Variants in GPR179 observed in about 807,000 individuals in gnomAD.
GPR179 encodes G protein-coupled receptor 179.
In GPR179, 52 loss-of-function variants were observed where a neutral mutation model predicts 70.8. The observed-to-expected ratio is 0.73, with a 90% confidence interval of 0.59 to 0.93. GPR179 has a LOEUF of 0.93. Among genes scored for constraint, GPR179 ranks in the 40% least tolerant of loss-of-function variants. GPR179 has a pLI of 0.00. For synonymous variants in GPR179, 1,123 were observed against 1,169.0 expected (o/e 0.96, Z 0.80); for missense variants, 2,734 against 2,966.8 (o/e 0.92, Z 1.82).
chr17:38,335,280 G>A lies in GPR179; in HGVS notation c.1407-9C>T. The A allele has an allele frequency of 1.9e-6, 3 of 1,543,588 alleles. No individual in the cohort carries two copies. Among genetic ancestry groups the A allele is most frequent in the Non-Finnish European group, 8.8e-7 (1 of 1,141,304 alleles). Reference sequence around the variant, plus strand: ...GAAACAGCTGCAGCACTCTGCGAGGGTTAGAATACACAGGGTGGATGGCAG... The same window carrying A: ...GAAACAGCTGCAGCACTCTGCGAGGATTAGAATACACAGGGTGGATGGCAG... On this transcript the variant is annotated splice_polypyrimidine_tract_variant and intron_variant, in intron 6 of 10. Coordinates refer to ENST00000616987, the MANE Select transcript of GPR179 (RefSeq NM_001004334.4).
chr17:38,331,605 C>G (rs2037361232), intron 10 of GPR179, 74 bp from the exon 11 acceptor site: 1 of 1,522,028 alleles, frequency 6.6e-7, no homozygotes, highest in African/African-American at 1.4e-5. Flanking sequence ...TTCCTCCACC[C>G]TTGCCTAGAC....
At chr17:38,341,943 C>A (rs1007214765) in intron 1 of GPR179, among the ~76,000 whole-genome samples, 9 of 152,062 alleles carry the variant, frequency 5.9e-5, no homozygotes, top group Non-Finnish European at 1.0e-4. Context: ...CATAGTGAAA[C>A]CCCATCTCTA....
At position 38,328,562 on chromosome 17, in the gene GPR179, C is replaced by T. The variant is rs751362259; in HGVS notation, c.5007G>A (p.Glu1669=). Residue 1669 remains glutamate, a synonymous_variant, in exon 11 of 11, where the codon GAG becomes GAA. Coordinates refer to ENST00000616987, the MANE Select transcript of GPR179 (RefSeq NM_001004334.4). ...FSPQPRPQDT[E]RPQTLLQMSG... is the part of the protein sequence containing the mutation. The stretch of plus-strand genomic sequence containing the variant: ...ACATCTGGAGAAGGGTTTGGGGTCT[C>T]TCTGTGTCTTGAGGACGTGGTTGTG... 4 of 1,614,078 alleles carry T rather than the reference C, an allele frequency of 2.5e-6. No homozygotes were observed. Among genetic ancestry groups the T allele is most frequent in the Non-Finnish European group, 3.4e-6 (4 of 1,180,016 alleles).
At position 38,327,382 on chromosome 17, in the gene GPR179, G is replaced by T; in HGVS notation, c.6187C>A (p.Pro2063Thr). ...TGCTGCCTGAAGTCTGCCATCTCTG[G>T]CTTTTTCTGAACTGGCACACCTTTT... ...EPKGVPVQKK[P>T]EMADFRQQEA... Residue 2063 changes from proline to threonine, a missense_variant, in exon 11 of 11, where the codon CCA becomes ACA. Coordinates refer to ENST00000616987, the MANE Select transcript of GPR179 (RefSeq NM_001004334.4). The T allele has an allele frequency of 1.2e-6, 2 of 1,614,172 alleles. No homozygotes were observed. Among genetic ancestry groups the T allele is most frequent in the Non-Finnish European group, 1.7e-6 (2 of 1,180,042 alleles).
chr17:38,331,162 T>C lies in GPR179; in HGVS notation c.2407A>G (p.Ser803Gly), dbSNP rs1451056573. The C allele has an allele frequency of 6.2e-7, 1 of 1,608,284 alleles. No individual in the cohort carries two copies. The highest frequency in any genetic ancestry group is 1.1e-5 in the South Asian group (1 of 90,718). Residue 803 changes from serine (S) to glycine (G), a missense_variant, in exon 11 of 11, where the codon AGC (serine) becomes GGC (glycine). Coordinates refer to ENST00000616987, the MANE Select transcript of GPR179 (RefSeq NM_001004334.4). ...GGGGGCCCCTCCACCGACTCCCGGCTCTCTGTTCGAGAGGCCTTCTTGGCC... is the reference window on the plus strand; with the variant it reads ...GGGGGCCCCTCCACCGACTCCCGGCCCTCTGTTCGAGAGGCCTTCTTGGCC... ...KLAKKASRTE[S>G]RESVEGPPAL...
intron 4 of GPR179, among the ~76,000 whole-genome samples, chr17:38,336,687 C>T (rs2037406639): frequency 6.6e-6 from 1 of 152,288 alleles, no homozygotes; most frequent in South Asian, 2.1e-4. Flanking sequence ...CTGCTTCCTC[C>T]ATTAAACTGG....
rs2144254016 is a variant in GPR179 at position 38,326,879 on chromosome 17, T to C, written c.6690A>G (p.Glu2230=). 1 of 1,614,222 alleles carries C rather than the reference T, an allele frequency of 6.2e-7. No individual in the cohort carries two copies. The highest frequency in any genetic ancestry group is 2.2e-5 in the East Asian group (1 of 44,892). ...CCATGGTACCCTTTATTTTATTTCC[T>C]TCTGGATCTGTGATTTCCCATTGGC... ...ELCQWEITDP[E]GNKIKGTMAD... is the part of the protein sequence containing the mutation. The change falls in exon 11 of 11, where the codon GAA becomes GAG. Residue 2230 remains glutamate, a synonymous_variant. Coordinates refer to ENST00000616987, the MANE Select transcript of GPR179 (RefSeq NM_001004334.4).
chr17:38,329,540 G>C lies in GPR179; in HGVS notation c.4029C>G (p.Ile1343Met). The change falls in exon 11 of 11, where the codon ATC becomes ATG. Residue 1343 changes from isoleucine (I) to methionine (M), a missense_variant. Physicochemically the swap from Ile to Met is conservative, Grantham distance 10. Coordinates refer to ENST00000616987, the MANE Select transcript of GPR179 (RefSeq NM_001004334.4). The part of the protein sequence containing the change: ...PGSAPQDPGR[I>M]RDKSEAGDSV... ...TGTCCCCCGCCTCAGATTTGTCTCT[G>C]ATTCTGCCAGGGTCCTGAGGAGCTG... 1 of 1,613,976 alleles carries C rather than the reference G, an allele frequency of 6.2e-7. No homozygotes were observed. Among genetic ancestry groups the C allele is most frequent in the Non-Finnish European group, 8.5e-7 (1 of 1,180,002 alleles).
At position 38,330,762 on chromosome 17, in the gene GPR179, T is replaced by C; in HGVS notation, c.2807A>G (p.Gln936Arg). 1 of 1,589,346 alleles carries C rather than the reference T, an allele frequency of 6.3e-7. No individual in the cohort carries two copies. Among genetic ancestry groups the C allele is most frequent in the South Asian group, 1.1e-5 (1 of 87,828 alleles). ...RRLPHPPIRH[Q>R]VSTPILALSG... is the part of the protein sequence containing the mutation. The stretch of plus-strand genomic sequence containing the variant: ...CAGGGCCAAGATGGGGGTAGAAACC[T>C]GGTGCCTGATGGGTGGATGAGGCAG... Residue 936 changes from glutamine (Q) to arginine (R), a missense_variant, in exon 11 of 11, where the codon CAG becomes CGG. Physicochemically the swap from Gln to Arg is conservative, Grantham distance 43. Transcript: ENST00000616987.
Position 38,343,763 on chromosome 17 carries a change from G to C in GPR179, c.27C>G (p.Pro9=), listed in dbSNP as rs756259083. Residue 9 remains proline, a synonymous_variant, in exon 1 of 11, where the codon CCC becomes CCG. Transcript: ENST00000616987. The surrounding 1 kb of genome is among the most constrained non-coding windows in gnomAD (Gnocchi z 4.2). ...AGCCCAGCAGCCCCCACATAGGAGG[G>C]GGCATGACCGCTCCCCTGGTGCCCA... MGTRGAVM[P]PPMWGLLGCC... 1 of 1,526,086 alleles carries C rather than the reference G, an allele frequency of 6.6e-7. No homozygotes were observed. The highest frequency in any genetic ancestry group is 8.8e-7 in the Non-Finnish European group (1 of 1,137,750). 94.5% of individuals were successfully genotyped at this position (1,526,086 alleles called of 1,614,324 possible). A position where few individuals can be genotyped will look rare whatever the true frequency, so the allele number is the denominator to read the frequency against.
chr17:38,334,443 G>C lies in GPR179; in HGVS notation c.1784+261C>G, dbSNP rs1337109247. 6.6e-6 allele frequency among the ~76,000 whole-genome samples: 1 copy of C among 152,140 alleles called. No individual in the cohort carries two copies. Among genetic ancestry groups the C allele is most frequent in the African/African-American group, 2.4e-5 (1 of 41,430 alleles). On this transcript the variant is annotated intron_variant, in intron 8 of 10. Coordinates refer to ENST00000616987, the MANE Select transcript of GPR179 (RefSeq NM_001004334.4). The surrounding 1 kb of genome is among the most constrained non-coding windows in gnomAD (Gnocchi z 4.7). Reference sequence around the variant, plus strand: ...AAGGGGTATGTTGGGGTGCTGGAGAGGTGCTTTGGGAGGGGTGAGGAGTTA... The same window carrying C: ...AAGGGGTATGTTGGGGTGCTGGAGACGTGCTTTGGGAGGGGTGAGGAGTTA...
At position 38,330,936 on chromosome 17, in the gene GPR179, GC is replaced by G; in HGVS notation, c.2632del (p.Ala878ProfsTer91). On this transcript the variant is annotated frameshift_variant, in exon 11 of 11. Coordinates refer to ENST00000616987, the MANE Select transcript of GPR179 (RefSeq NM_001004334.4). LOFTEE classifies it low-confidence loss of function (END_TRUNC). ...EREERKKAKA[A>X]MASLVRRPSA... Reference sequence around the variant, plus strand: ...TGGCCTCCGCACCAGGCTGGCCATGGCTGCCTTGGCCTTCTTCCGCTCCTCC... The same window carrying G: ...TGGCCTCCGCACCAGGCTGGCCATGGTGCCTTGGCCTTCTTCCGCTCCTCC... 6.2e-7 allele frequency: 1 copy of G among 1,609,718 alleles called. No individual in the cohort carries two copies. The highest frequency in any genetic ancestry group is 1.3e-5 in the African/African-American group (1 of 75,032).
In GPR179 at chr17:38,330,515, G is replaced by A; in HGVS notation, c.3054C>T (p.Gly1018=). 6.4e-7 allele frequency: 1 copy of A among 1,555,116 alleles called. No homozygotes were observed. The highest frequency in any genetic ancestry group is 1.7e-4 in the Middle Eastern group (1 of 5,758). The part of the protein sequence containing the change: ...PQEGPSGPER[G]HHSPAPARAR... ...CTCGAGCTGGGGCAGGGGAGTGGTG[G>A]CCTCGCTCTGGCCCTGAGGGGCCTT... Residue 1018 remains glycine, a synonymous_variant, in exon 11 of 11, where the codon GGC becomes GGT. Coordinates refer to ENST00000616987, the MANE Select transcript of GPR179 (RefSeq NM_001004334.4).
rs370367743 is a variant in GPR179 at position 38,330,450 on chromosome 17, C to T, written c.3119G>A (p.Ser1040Asn). 6.4e-6 allele frequency: 10 copies of T among 1,572,810 alleles called. No homozygotes were observed. The African/African-American group carries it at 1.4e-4, about 21-fold the overall frequency. The change falls in exon 11 of 11, where the codon AGC becomes AAC. Residue 1040 changes from serine (S) to asparagine (N), a missense_variant. Physicochemically the swap from Ser to Asn is conservative, Grantham distance 46 (BLOSUM62 1). Transcript: ENST00000616987. ...GTCCATCTCATTCTCCCCAGCCCTGCTTTTCTCTACTGCAACAGAGAGGGC... is the reference window on the plus strand; with the variant it reads ...GTCCATCTCATTCTCCCCAGCCCTGTTTTTCTCTACTGCAACAGAGAGGGC... ...WRALSVAVEK[S>N]RAGENEMDAE...
intron 4 of GPR179, 23 bp downstream of exon 4, chr17:38,336,955 A>T (rs1387845882): frequency 6.4e-7 from 1 of 1,564,572 alleles, no homozygotes; most frequent in African/African-American, 1.3e-5. Context: ...ACATGTGTGT[A>T]GGAGGTGTGG....
At chr17:38,336,654 G>A (rs1459154645) in intron 4 of GPR179, among the ~76,000 whole-genome samples, 1 of 152,152 alleles carries the variant, frequency 6.6e-6, no homozygotes, top group African/African-American at 2.4e-5. Context: ...CCATCTCACT[G>A]TGCTGTCATT....
At chr17:38,336,018 C>T in intron 5 of GPR179, 58 bp downstream of exon 5, 1 of 1,228,818 alleles carries the variant, frequency 8.1e-7, no homozygotes, top group African/African-American at 1.5e-5. Flanking sequence ...TGGAGGGTGC[C>T]AGGTTTTGGC....
chr17:38,334,781 C>T lies in GPR179; in HGVS notation c.1707G>A (p.Ser569=), dbSNP rs376899590. The change falls in exon 8 of 11, where the codon TCG becomes TCA. Residue 569 remains serine (S), a synonymous_variant. Coordinates refer to ENST00000616987, the MANE Select transcript of GPR179 (RefSeq NM_001004334.4). This position sits in a 1 kb window ranked among gnomAD's most constrained non-coding sequence, Gnocchi z 4.7. The part of the protein sequence containing the change: ...FLCYATRAVL[S]AFHEPRYMGI... Reference sequence around the variant, plus strand: ...CCATGTAGCGTGGCTCATGGAAGGCCGAGAGCACAGCCCGTGTGGCGTAGC... The same window carrying T: ...CCATGTAGCGTGGCTCATGGAAGGCTGAGAGCACAGCCCGTGTGGCGTAGC... 59 of 1,613,588 alleles carry T rather than the reference C, an allele frequency of 3.7e-5. No individual in the cohort carries two copies. In the African/African-American group the frequency reaches 3.7e-4, roughly 10 times the overall value.
Position 38,327,248 on chromosome 17 carries a change from C to T in GPR179, c.6321G>A (p.Val2107=). Residue 2107 remains valine (V), a synonymous_variant, in exon 11 of 11, where the codon GTG becomes GTA. Coordinates refer to ENST00000616987, the MANE Select transcript of GPR179 (RefSeq NM_001004334.4). ...SRGSSEAAGS[V]ETRVAEVCLW... Reference sequence around the variant, plus strand: ...GACACACTTCCGCTACCCTGGTCTCCACACTGCCTGCTGCCTCAGAACTGC... The same window carrying T: ...GACACACTTCCGCTACCCTGGTCTCTACACTGCCTGCTGCCTCAGAACTGC... 1 of 1,614,256 alleles carries T rather than the reference C, an allele frequency of 6.2e-7. No individual in the cohort carries two copies. Among genetic ancestry groups the T allele is most frequent in the Non-Finnish European group, 8.5e-7 (1 of 1,180,038 alleles).
Sources: allele counts gnomAD v4.1 joint callset (sites outside exome capture counted in the v4.1 genomes callset), GRCh38; gene constraint gnomAD v4.1.1; non-coding constraint Gnocchi (gnomAD v3.1); transcripts MANE v1.5; gene names NCBI Gene and HGNC (gene_info 2026-07-23, HGNC 2026-07-21).